Variants in DDX10 observed in about 807,000 individuals in gnomAD.
The protein encoded by DDX10 is DEAD-box helicase 10.
In DDX10, 74 loss-of-function variants were observed where a neutral mutation model predicts 104.3. The observed-to-expected ratio is 0.71, with a 90% confidence interval of 0.59 to 0.86. DDX10 has a LOEUF of 0.86. DDX10 is among the 40% of genes least tolerant of loss of function. DDX10 has a pLI of 0.00. For synonymous variants in DDX10, 351 were observed against 353.4 expected (o/e 0.99, Z 0.08); for missense variants, 952 against 1,040.0 (o/e 0.92, Z 1.16).
chr11:108,718,802 A>G (rs1300211979), intron 11 of DDX10, among the ~76,000 whole-genome samples: 1 of 152,238 alleles, frequency 6.6e-6, no homozygotes, highest in Non-Finnish European at 1.5e-5. Flanking sequence ...GTGATAAGCA[A>G]CTGAGGTGAT....
chr11:108,804,606 G>T (rs1202628967), intron 13 of DDX10, among the ~76,000 whole-genome samples: 2 of 151,912 alleles, frequency 1.3e-5, no homozygotes, highest in Non-Finnish European at 2.9e-5. Context: ...TCTGGGCACA[G>T]CTTAGCTGGG....
intron 10 of DDX10, among the ~76,000 whole-genome samples, chr11:108,708,632 A>G (rs1350965839): frequency 1.3e-5 from 2 of 151,384 alleles, no homozygotes; most frequent in African/African-American, 4.9e-5. Flanking sequence ...CAGTCTTGCA[A>G]TCTTGGCTCA....
At chr11:108,904,810 A>G (rs1863568346) in intron 16 of DDX10, among the ~76,000 whole-genome samples, 1 of 152,094 alleles carries the variant, frequency 6.6e-6, no homozygotes, top group South Asian at 2.1e-4. Flanking sequence ...TGAGCCTACT[A>G]ACTCCATGGC....
At chr11:108,695,009 G>T (rs2094257776) in intron 9 of DDX10, among the ~76,000 whole-genome samples, 1 of 152,192 alleles carries the variant, frequency 6.6e-6, no homozygotes, top group Admixed American at 6.5e-5. Context: ...TTAAGCTGTA[G>T]CAGCAAAGCT....
intron 16 of DDX10, among the ~76,000 whole-genome samples, chr11:108,871,508 A>G (rs371857771): frequency 9.7e-4 from 147 of 152,304 alleles, no homozygotes; most frequent in Admixed American, 2.0e-3. Flanking sequence ...GTGAGAAAAG[A>G]AAGAAATATC....
At chr11:108,913,896 T>C (rs376974945) in intron 16 of DDX10, among the ~76,000 whole-genome samples, 1 of 152,164 alleles carries the variant, frequency 6.6e-6, no homozygotes, top group Non-Finnish European at 1.5e-5. Context: ...ATTAAAGGTA[T>C]TAGTCACATT....
At chr11:108,669,096 C>CT (rs569505369) in intron 1 of DDX10, among the ~76,000 whole-genome samples, 8,548 of 139,080 alleles carry the variant, frequency 0.061, 820 homozygotes, top group African/African-American at 0.21. Context: ...TGGAGCTAAG[C>CT]TTTTTTTTTT....
intron 16 of DDX10, among the ~76,000 whole-genome samples, chr11:108,901,127 T>C (rs528568220): frequency 3.3e-5 from 5 of 152,332 alleles, no homozygotes; most frequent in African/African-American, 1.2e-4. Context: ...CTGTAGAACA[T>C]ATGTCACTGC....
chr11:108,692,710 C>T (rs1345222654), intron 8 of DDX10, among the ~76,000 whole-genome samples: 2 of 152,098 alleles, frequency 1.3e-5, no homozygotes, highest in African/African-American at 4.8e-5. Flanking sequence ...CATAATCCTC[C>T]CCCTGTCCCT....
chr11:108,811,859 G>A (rs1862186500), intron 13 of DDX10, among the ~76,000 whole-genome samples: 1 of 139,284 alleles, frequency 7.2e-6, no homozygotes, highest in African/African-American at 2.5e-5. Context: ...ATTATAAAAG[G>A]GAAACACAGG....
chr11:108,747,651 A>G (rs2134501935), intron 13 of DDX10, among the ~76,000 whole-genome samples: 1 of 152,152 alleles, frequency 6.6e-6, no homozygotes, highest in South Asian at 2.1e-4. Context: ...CCTAATCCCC[A>G]TTGTTTTATG....
intron 13 of DDX10, among the ~76,000 whole-genome samples, chr11:108,833,231 G>C (rs1364297856): frequency 2.0e-5 from 3 of 152,114 alleles, no homozygotes; most frequent in Non-Finnish European, 4.4e-5. Flanking sequence ...TCCTTGACAT[G>C]CTCTTCTCAC....
chr11:108,735,118 G>A (rs2094316783), intron 13 of DDX10, among the ~76,000 whole-genome samples: 1 of 152,186 alleles, frequency 6.6e-6, no homozygotes. Context: ...TTGAAACACG[G>A]TTTCAAGTCC....
At chr11:108,687,797 T>A (rs752240364) in intron 6 of DDX10, among the ~76,000 whole-genome samples, 83 of 152,256 alleles carry the variant, frequency 5.5e-4, no homozygotes, top group Non-Finnish European at 1.1e-3. Context: ...GTCCAGCTTA[T>A]CAATTCTTCC....
intron 13 of DDX10, among the ~76,000 whole-genome samples, chr11:108,799,469 AG>A (rs2134555864): frequency 6.6e-6 from 1 of 152,326 alleles, no homozygotes; most frequent in Non-Finnish European, 1.5e-5. Context: ...TTTGTCTGCC[AG>A]GGTTCTTCAT....
intron 16 of DDX10, among the ~76,000 whole-genome samples, chr11:108,912,322 A>G (rs1863690879): frequency 1.3e-5 from 2 of 152,190 alleles, no homozygotes; most frequent in African/African-American, 4.8e-5. Flanking sequence ...GAAGAGGGGT[A>G]CAAACATTGT....
intron 13 of DDX10, among the ~76,000 whole-genome samples, chr11:108,785,824 GTTAA>G (rs1487562034): frequency 6.6e-6 from 1 of 151,946 alleles, no homozygotes; most frequent in African/African-American, 2.4e-5. Flanking sequence ...TTTTGTTGTT[GTTAA>G]TTGTGTCTCA....
At chr11:108,764,787 T>G (rs2094354559) in intron 13 of DDX10, among the ~76,000 whole-genome samples, 1 of 152,246 alleles carries the variant, frequency 6.6e-6, no homozygotes, top group Non-Finnish European at 1.5e-5. Context: ...ATTACTTTCT[T>G]TGATTTTTGT....
At chr11:108,873,675 T>G (rs1340307273) in intron 16 of DDX10, among the ~76,000 whole-genome samples, 1 of 152,186 alleles carries the variant, frequency 6.6e-6, no homozygotes, top group Non-Finnish European at 1.5e-5. Flanking sequence ...CCAGAGAGGT[T>G]AAATGACTGA....
Sources: gnomAD v4.1 joint callset for allele counts (sites outside exome capture counted in the v4.1 genomes callset) on GRCh38, gnomAD v4.1.1 for gene constraint, MANE v1.5 for transcripts, NCBI Gene and HGNC (gene_info 2026-07-23, HGNC 2026-07-21) for gene names.